Variants in USH2A observed in about 807,000 individuals in gnomAD.
USH2A encodes the protein Usher syndrome 2A (autosomal recessive, mild).
USH2A carries 443 observed loss-of-function variants against 538.9 expected under a neutral mutation model. The observed-to-expected ratio is 0.82, with a 90% CI of 0.76 to 0.89. The LOEUF is 0.89. USH2A is among the 40% of genes least tolerant of loss of function. The pLI is 0.00. For synonymous variants in USH2A, 2,413 were observed against 2,273.5 expected (o/e 1.06, Z -1.75); for missense variants, 6,633 against 6,324.8 (o/e 1.05, Z -1.65).
At chr1:216,011,002 G>A (rs749990030) in intron 32 of USH2A, among the ~76,000 whole-genome samples, 2 of 151,990 alleles carry the variant, frequency 1.3e-5, no homozygotes, top group African/African-American at 2.4e-5. Flanking sequence ...CCACCTCACA[G>A]CATGCTTTGA....
At chr1:216,415,481 A>G (rs1257839838) in intron 3 of USH2A, among the ~76,000 whole-genome samples, 1 of 145,882 alleles carries the variant, frequency 6.9e-6, no homozygotes, top group African/African-American at 2.6e-5. Flanking sequence ...AGATTTCCCA[A>G]CTCCTAATCT....
rs1665476939 is a variant in USH2A, at chr1:215,900,832, T to C, written c.7374A>G (p.Pro2458=). ...GAGAGCCAGGAGCGTTATTACGAGC[T>C]GGTGTAGACCAGACAACCTGAAGAC... The part of the protein sequence containing the change: ...PTSLQVVWST[P]ARNNAPGSPR... Residue 2458 remains proline (P), a synonymous_variant, in exon 39 of 72, where the codon CCA becomes CCG. Coordinates refer to ENST00000307340, the MANE Select transcript of USH2A (RefSeq NM_206933.4). 1 of 1,613,836 alleles carries C rather than the reference T, an allele frequency of 6.2e-7. No homozygotes were observed. Among genetic ancestry groups the C allele is most frequent in the Non-Finnish European group, 8.5e-7 (1 of 1,179,816 alleles).
intron 55 of USH2A, 50 bp downstream of exon 55, chr1:215,779,793 C>CACAATGACAG: frequency 6.2e-7 from 1 of 1,604,884 alleles, no homozygotes; most frequent in Non-Finnish European, 8.5e-7. Flanking sequence ...CCCCCCTAAC[C>CACAATGACAG]ACAATGACAG....
chr1:215,675,027 A>G lies in USH2A; in HGVS notation c.12884T>C (p.Ile4295Thr). 1 of 1,614,206 alleles carries G rather than the reference A, an allele frequency of 6.2e-7. No individual in the cohort carries two copies. The highest frequency in any genetic ancestry group is 8.5e-7 in the Non-Finnish European group (1 of 1,180,028). ...ATTCCTTTGAAGCCTATAGGACTGGATAATACCATTAGACTGTTCTGGTGG... is the reference window on the plus strand; with the variant it reads ...ATTCCTTTGAAGCCTATAGGACTGGGTAATACCATTAGACTGTTCTGGTGG... The part of the protein sequence containing the change: ...WIPPEQSNGI[I>T]QSYRLQRNEM... The change falls in exon 63 of 72, where the codon ATC becomes ACC. Residue 4295 changes from isoleucine (I) to threonine (T), a missense_variant. By Grantham distance (89) the Ile-to-Thr change is moderately conservative (BLOSUM62 -1). Transcript: ENST00000307340.
intron 20 of USH2A, among the ~76,000 whole-genome samples, chr1:216,177,321 AT>A (rs1207265660): frequency 6.6e-6 from 1 of 152,008 alleles, no homozygotes; most frequent in Admixed American, 6.6e-5. Context: ...GATATAGAAC[AT>A]TTTTCATATG....
intron 38 of USH2A, among the ~76,000 whole-genome samples, chr1:215,910,179 T>A (rs1665743821): frequency 1.3e-5 from 2 of 152,048 alleles, no homozygotes; most frequent in Non-Finnish European, 2.9e-5. Flanking sequence ...ATAAGCTTTT[T>A]ATTATATTAG....
intron 30 of USH2A, among the ~76,000 whole-genome samples, chr1:216,051,395 A>T (rs2030780051): frequency 6.6e-6 from 1 of 152,240 alleles, no homozygotes; most frequent in African/African-American, 2.4e-5. Context: ...GCTCAAAACT[A>T]AAGTTATCAT....
At chr1:216,323,255 T>C (rs1435061075) in intron 8 of USH2A, among the ~76,000 whole-genome samples, 1 of 141,808 alleles carries the variant, frequency 7.1e-6, no homozygotes, top group Non-Finnish European at 1.5e-5. Context: ...AATATATATA[T>C]ATTTATTTAT....
intron 3 of USH2A, among the ~76,000 whole-genome samples, chr1:216,366,243 G>A (rs2038593649): frequency 6.6e-6 from 1 of 152,082 alleles, no homozygotes; most frequent in African/African-American, 2.4e-5. Flanking sequence ...AGGAAAGGTT[G>A]GATGTTAACA....
intron 35 of USH2A, among the ~76,000 whole-genome samples, chr1:215,976,336 T>C (rs7516073): frequency 0.036 from 5,521 of 152,274 alleles, 97 homozygotes; most frequent in African/African-American, 0.04. Flanking sequence ...GGCAAGGACT[T>C]CCAGAACTAT....
chr1:216,364,843 G>A, intron 4 of USH2A, 110 bp downstream of exon 4: 1 of 1,387,292 alleles, frequency 7.2e-7, no homozygotes, highest in African/African-American at 1.4e-5. Context: ...TTGTTCAGTA[G>A]CCCTAGAAGA....
chr1:216,186,261 C>T (rs2034599890), intron 20 of USH2A, among the ~76,000 whole-genome samples: 1 of 151,320 alleles, frequency 6.6e-6, no homozygotes, highest in Non-Finnish European at 1.5e-5. Context: ...ACCACTATAT[C>T]TCCTCCTGCC....
intron 21 of USH2A, among the ~76,000 whole-genome samples, chr1:216,161,602 A>G (rs1437344357): frequency 6.6e-6 from 1 of 151,640 alleles, no homozygotes; most frequent in African/African-American, 2.4e-5. Flanking sequence ...CCTAGTTACC[A>G]TTTCTAGAGG....
At chr1:216,013,211 G>A (rs990762562) in intron 32 of USH2A, among the ~76,000 whole-genome samples, 2 of 151,022 alleles carry the variant, frequency 1.3e-5, no homozygotes, top group Admixed American at 1.3e-4. Context: ...CTGTATCCAG[G>A]CCATCACCAA....
At chr1:216,013,963 CTTTT>C (rs2102495156) in intron 32 of USH2A, among the ~76,000 whole-genome samples, 1 of 152,278 alleles carries the variant, frequency 6.6e-6, no homozygotes, top group South Asian at 2.1e-4. Context: ...GATTAAATAG[CTTTT>C]TTGAGTTCCA....
At chr1:215,694,370 A>G (rs573096916) in intron 61 of USH2A, among the ~76,000 whole-genome samples, 35 of 152,330 alleles carry the variant, frequency 2.3e-4, no homozygotes, top group Non-Finnish European at 2.9e-4. Flanking sequence ...TCAGGAGATC[A>G]AGACCATCCC....
intron 30 of USH2A, among the ~76,000 whole-genome samples, chr1:216,048,912 A>G (rs1022561746): frequency 6.6e-6 from 1 of 152,222 alleles, no homozygotes; most frequent in African/African-American, 2.4e-5. Flanking sequence ...TCCCATTAAA[A>G]TGGGGAGGGG....
chr1:215,713,987 AAATTTAGGTAATAAT>A (rs1659411685), intron 61 of USH2A, among the ~76,000 whole-genome samples: 1 of 152,234 alleles, frequency 6.6e-6, no homozygotes, highest in African/African-American at 2.4e-5. Context: ...CCTCATTAAT[AAATTTAGGTAATAAT>A]ACTCCACAGA....
chr1:215,640,621 C>T lies in USH2A; in HGVS notation c.14905G>A (p.Gly4969Arg), dbSNP rs753226272. ...GQLKEYVLTD[G>R]GRRVYSGLDT... Reference sequence around the variant, plus strand: ...AAGCCGCTGTACACGCGTCGCCCTCCGTCGGTTAACACGTACTCCTTCAGT... The same window carrying T: ...AAGCCGCTGTACACGCGTCGCCCTCTGTCGGTTAACACGTACTCCTTCAGT... The change falls in exon 68 of 72, where the codon GGA becomes AGA. Residue 4969 changes from glycine (G) to arginine (R), a missense_variant. Transcript: ENST00000307340. The T allele has an allele frequency of 2.5e-5, 41 of 1,613,634 alleles. No homozygotes were observed. The highest frequency in any genetic ancestry group is 5.0e-5 in the Admixed American group (3 of 59,954).
Sources: allele counts gnomAD v4.1 joint callset (sites outside exome capture counted in the v4.1 genomes callset), GRCh38; gene constraint gnomAD v4.1.1; transcripts MANE v1.5; gene names NCBI Gene and HGNC (gene_info 2026-07-23, HGNC 2026-07-21).